The following NFIA variants were observed in gnomAD, a reference collection of about 807,000 sequenced individuals.
The protein encoded by NFIA is nuclear factor I A, also known as nuclear factor 1 A-type.
NFIA carries 8 observed loss-of-function variants against 62.8 expected under a neutral mutation model. That is an observed-to-expected ratio of 0.13 (90% confidence interval 0.07 to 0.23). NFIA has a LOEUF of 0.23. Among genes scored for constraint, NFIA ranks in the 10% least tolerant of loss-of-function variants. The probability of loss-of-function intolerance (pLI) is 1.00; values close to 1 mark genes in which losing one functional copy is unlikely to be tolerated. For missense variants in NFIA, 410 were observed against 642.1 expected (o/e 0.64, Z 3.91); for synonymous variants, 235 against 238.1 (o/e 0.99, Z 0.12).
intron 7 of NFIA, among the ~76,000 whole-genome samples, chr1:61,397,895 A>G (rs2207795): frequency 0.31 from 46,489 of 152,122 alleles, 7,467 homozygotes; most frequent in East Asian, 0.57. Context: ...AATGGTGAAG[A>G]CAGACAATCA....
In NFIA at chr1:61,309,493, A is replaced by AC. The variant is rs201557157; in HGVS notation, c.626-23019_626-23018insC. Among the ~76,000 whole-genome samples the AC allele has an allele frequency of 4.2e-3, 638 of 150,250 alleles. 7 individuals are homozygous for AC. Among genetic ancestry groups the AC allele is most frequent in the African/African-American group, 0.013 (542 of 41,096 alleles). ...CACAGTGAGAAAAACAACAACAACA[A>AC]AAAAAAAAACACAAAATTCACACAA... On this transcript the variant is annotated intron_variant, in intron 3 of 10. Transcript: ENST00000403491.
At chr1:61,138,859 G>A (rs1342920369) in intron 2 of NFIA, among the ~76,000 whole-genome samples, 3 of 151,368 alleles carry the variant, frequency 2.0e-5, no homozygotes, top group African/African-American at 7.3e-5. Context: ...TACTATTACG[G>A]GTGTGAGCCA....
At chr1:61,396,790 AG>A (rs1665291284) in intron 7 of NFIA, among the ~76,000 whole-genome samples, 1 of 152,024 alleles carries the variant, frequency 6.6e-6, no homozygotes, top group South Asian at 2.1e-4. Flanking sequence ...GCCTGAGCTC[AG>A]GAGTTCAAGA....
At chr1:61,218,351 T>C (rs12754474) in intron 2 of NFIA, among the ~76,000 whole-genome samples, 43 of 152,296 alleles carry the variant, frequency 2.8e-4, no homozygotes, top group African/African-American at 9.1e-4. Flanking sequence ...CGAATTGATA[T>C]ACAAAGTGGT....
chr1:61,199,999 AATATATATATGTATATATATAT>A (rs1414737751), intron 2 of NFIA, among the ~76,000 whole-genome samples: 5 of 116,288 alleles, frequency 4.3e-5, no homozygotes, highest in Admixed American at 9.5e-5. Context: ...CAACTCACAA[AATATATATATGTATATATATAT>A]ATATATATAT....
At chr1:61,450,031 C>T (rs1438059818) in intron 10 of NFIA, among the ~76,000 whole-genome samples, 1 of 152,188 alleles carries the variant, frequency 6.6e-6, no homozygotes, top group Non-Finnish European at 1.5e-5. Flanking sequence ...ACACTGGATA[C>T]TGGGCATCGT....
At chr1:61,384,037 C>G (rs1015583802) in intron 7 of NFIA, among the ~76,000 whole-genome samples, 2 of 152,128 alleles carry the variant, frequency 1.3e-5, no homozygotes, top group African/African-American at 4.8e-5. Context: ...CCTTAAGCCT[C>G]AAGAGAATGT....
At chr1:61,169,521 A>G (rs1009669020) in intron 2 of NFIA, among the ~76,000 whole-genome samples, 5 of 152,232 alleles carry the variant, frequency 3.3e-5, no homozygotes, top group Non-Finnish European at 5.9e-5. Flanking sequence ...AAAGGGGTCC[A>G]CAATTTCCAG....
At chr1:61,297,100 A>G (rs1198383846) in intron 3 of NFIA, among the ~76,000 whole-genome samples, 1 of 152,222 alleles carries the variant, frequency 6.6e-6, no homozygotes, top group Non-Finnish European at 1.5e-5. Context: ...CACAACAATT[A>G]CCAGTTTAAT....
intron 3 of NFIA, among the ~76,000 whole-genome samples, chr1:61,287,178 T>A (rs1186152527): frequency 6.6e-6 from 1 of 152,190 alleles, no homozygotes; most frequent in African/African-American, 2.4e-5. Flanking sequence ...TTCTAGATAA[T>A]GAGTGTTCAG....
chr1:61,100,497 C>G (rs937584417), intron 2 of NFIA, among the ~76,000 whole-genome samples: 4 of 152,184 alleles, frequency 2.6e-5, no homozygotes, highest in African/African-American at 9.7e-5. Context: ...ATAATTTCCT[C>G]AGAAATCAAG....
intron 10 of NFIA, among the ~76,000 whole-genome samples, chr1:61,446,975 C>T (rs1667838829): frequency 6.6e-6 from 1 of 152,164 alleles, no homozygotes; most frequent in African/African-American, 2.4e-5. Context: ...ACCATTGGGC[C>T]AACCCCAAGT....
intron 6 of NFIA, among the ~76,000 whole-genome samples, chr1:61,372,126 C>T (rs1157656981): frequency 6.6e-6 from 1 of 151,810 alleles, no homozygotes; most frequent in Admixed American, 6.6e-5. Flanking sequence ...AAGTGAAAAC[C>T]AAACTTTAGG....
Position 61,457,131 on chromosome 1 carries a change from CT to C in NFIA, c.*1812del, listed in dbSNP as rs536046399. 1 of 152,222 alleles carries C rather than the reference CT, an allele frequency of 6.6e-6. No homozygotes were observed. The highest frequency in any genetic ancestry group is 1.5e-5 in the Non-Finnish European group (1 of 68,036). The allele number at this position is 152,222 out of a possible 1,614,324, so 9.4% of individuals were successfully genotyped here. On this transcript the variant is annotated 3_prime_UTR_variant, in exon 11 of 11. Coordinates refer to ENST00000403491, the MANE Select transcript of NFIA (RefSeq NM_001134673.4). The surrounding 1 kb of genome is among the most constrained non-coding windows in gnomAD (Gnocchi z 4.2). The stretch of plus-strand genomic sequence containing the variant: ...TCAGCCCTTCAGAAGGGTTCTACTA[CT>C]GTCCTATACAATCAAGTAACTGAAA...
intron 10 of NFIA, among the ~76,000 whole-genome samples, chr1:61,432,452 G>A (rs529813444): frequency 6.6e-6 from 1 of 151,958 alleles, no homozygotes; most frequent in African/African-American, 2.4e-5. Context: ...GTTAGCTGAC[G>A]CCATTCCCGG....
chr1:61,107,605 T>G (rs1646626667), intron 2 of NFIA, among the ~76,000 whole-genome samples: 1 of 151,654 alleles, frequency 6.6e-6, no homozygotes, highest in African/African-American at 2.4e-5. Context: ...CCAATATATT[T>G]TCGTAGTTTC....
chr1:61,124,672 A>G (rs1646939504), intron 2 of NFIA: 1 of 152,208 alleles, frequency 6.6e-6, no homozygotes, highest in African/African-American at 2.4e-5. Context: ...AATAATAATG[A>G]AAGAAGAAAC....
chr1:61,357,437 C>T (rs754056586), intron 5 of NFIA, among the ~76,000 whole-genome samples: 5 of 152,114 alleles, frequency 3.3e-5, no homozygotes, highest in Non-Finnish European at 5.9e-5. Flanking sequence ...GACAGTTTGC[C>T]CATTGATAAT....
At chr1:61,392,072 G>A (rs1309969002) in intron 7 of NFIA, among the ~76,000 whole-genome samples, 1 of 152,172 alleles carries the variant, frequency 6.6e-6, no homozygotes, top group African/African-American at 2.4e-5. Context: ...GACCTAACAA[G>A]TACCACCTTT....
Sources: gnomAD v4.1 joint callset for allele counts (sites outside exome capture counted in the v4.1 genomes callset) on GRCh38, gnomAD v4.1.1 for gene constraint, Gnocchi (gnomAD v3.1) non-coding constraint, MANE v1.5 for transcripts, NCBI Gene and HGNC (gene_info 2026-07-23, HGNC 2026-07-21) for gene names.